REC114: variants seen among roughly 807,000 people sequenced by gnomAD.
REC114 encodes the protein meiotic recombination protein REC114.
In REC114, 27 loss-of-function variants were observed where a neutral mutation model predicts 31.3. The ratio of observed to expected loss-of-function variants is 0.86; its 90% CI spans 0.64 to 1.19. The LOEUF is 1.19. REC114 is among the 50% of genes most tolerant of loss of function. The probability of loss-of-function intolerance (pLI) is 0.00; values close to 1 mark genes in which losing one functional copy is unlikely to be tolerated. For missense variants in REC114, 344 were observed against 326.9 expected, an observed-to-expected ratio of 1.05 and a Z score of -0.40; for synonymous variants, 134 against 127.7, an observed-to-expected ratio of 1.05 and a Z score of -0.33.
intron 2 of REC114, among the ~76,000 whole-genome samples, chr15:73,531,081 A>G (rs1361066328): frequency 2.6e-5 from 4 of 152,198 alleles, no homozygotes; most frequent in African/African-American, 9.7e-5. Context: ...GCATTTACAA[A>G]ATCATAATGG....
At chr15:73,546,612 T>A (rs543111247) in intron 3 of REC114, among the ~76,000 whole-genome samples, 19 of 152,282 alleles carry the variant, frequency 1.2e-4, no homozygotes, top group African/African-American at 3.6e-4. Flanking sequence ...ATATATAACC[T>A]ATAAAAATAT....
At chr15:73,499,198 G>C (rs1217367333) in intron 2 of REC114, among the ~76,000 whole-genome samples, 1 of 151,832 alleles carries the variant, frequency 6.6e-6, no homozygotes, top group Admixed American at 6.6e-5. Flanking sequence ...CCTTTAGGTT[G>C]GTGCAAAAGT....
intron 2 of REC114, among the ~76,000 whole-genome samples, chr15:73,511,132 G>C (rs1395938666): frequency 2.0e-5 from 3 of 151,978 alleles, no homozygotes; most frequent in African/African-American, 7.3e-5. Context: ...CCTGTTATTG[G>C]TCTATTCAGA....
intron 1 of REC114, among the ~76,000 whole-genome samples, chr15:73,472,145 A>G (rs1317323484): frequency 6.6e-6 from 1 of 152,230 alleles, no homozygotes; most frequent in Non-Finnish European, 1.5e-5. Context: ...TTAAACTATC[A>G]TGTTAACACA....
At chr15:73,473,596 C>CGA (rs1893165274) in intron 1 of REC114, among the ~76,000 whole-genome samples, 2 of 152,066 alleles carry the variant, frequency 1.3e-5, no homozygotes, top group Non-Finnish European at 2.9e-5. Context: ...GATATTCTTT[C>CGA]TGTTTCAAAA....
chr15:73,487,596 T>C (rs1893387916), intron 2 of REC114, among the ~76,000 whole-genome samples: 1 of 152,132 alleles, frequency 6.6e-6, no homozygotes, highest in Non-Finnish European at 1.5e-5. Flanking sequence ...TGGGGTGGAG[T>C]TGGGCTCCAA....
intron 1 of REC114, among the ~76,000 whole-genome samples, chr15:73,472,632 G>A (rs953695994): frequency 6.6e-6 from 1 of 152,202 alleles, no homozygotes; most frequent in Admixed American, 6.5e-5. Context: ...TTTACCTTAC[G>A]GTGTTTATTA....
intron 5 of REC114, among the ~76,000 whole-genome samples, chr15:73,558,711 T>C (rs954648213): frequency 6.6e-6 from 1 of 152,162 alleles, no homozygotes; most frequent in African/African-American, 2.4e-5. Flanking sequence ...ACACTGCTAG[T>C]GGAATGTAAA....
intron 3 of REC114, among the ~76,000 whole-genome samples, chr15:73,542,418 T>C (rs180833895): frequency 6.6e-6 from 1 of 152,118 alleles, no homozygotes; most frequent in East Asian, 1.9e-4. Flanking sequence ...AGTGTCCAGG[T>C]TGGCATCTCG....
rs537152467 is a variant in REC114 at position 73,517,549 on chromosome 15, T to C, written c.250-22936T>C. 2.0e-3 allele frequency among the ~76,000 whole-genome samples: 297 copies of C among 152,094 alleles called. 1 individual carries two copies. Among genetic ancestry groups the C allele is most frequent in the African/African-American group, 6.9e-3 (286 of 41,534 alleles). On this transcript the variant is annotated intron_variant, in intron 2 of 5. Coordinates refer to ENST00000331090, the MANE Select transcript of REC114 (RefSeq NM_001042367.2). ...GGGAAAGAGAAGTGAAGGAAAACTT[T>C]GAAGTTTCTGGTTTATGCAACTCAA...
intron 1 of REC114, among the ~76,000 whole-genome samples, chr15:73,449,788 A>T (rs1892818480): frequency 6.6e-6 from 1 of 152,234 alleles, no homozygotes; most frequent in Non-Finnish European, 1.5e-5. Context: ...CATCAGACTA[A>T]TAGCAGATCT....
intron 2 of REC114, among the ~76,000 whole-genome samples, chr15:73,504,983 C>T (rs1893655159): frequency 6.6e-6 from 1 of 152,272 alleles, no homozygotes. Flanking sequence ...ATTCCTTGTT[C>T]ATGCCATGTT....
chr15:73,503,373 G>A (rs974980150), intron 2 of REC114, among the ~76,000 whole-genome samples: 29 of 152,024 alleles, frequency 1.9e-4, no homozygotes, highest in African/African-American at 7.0e-4. Context: ...CTTTTATTGA[G>A]GTATAACTTA....
intron 1 of REC114, among the ~76,000 whole-genome samples, chr15:73,460,524 C>T (rs1429165134): frequency 3.3e-5 from 5 of 152,108 alleles, no homozygotes; most frequent in African/African-American, 9.7e-5. Context: ...TTCCTTAACT[C>T]AAATTTGAAA....
intron 1 of REC114, among the ~76,000 whole-genome samples, chr15:73,470,158 C>A (rs73442080): frequency 0.18 from 27,730 of 151,924 alleles, 4,335 homozygotes; most frequent in African/African-American, 0.43. Flanking sequence ...GGTTGGGTTT[C>A]AGTCTGTTAT....
chr15:73,480,801 C>G (rs1449786464), intron 2 of REC114, among the ~76,000 whole-genome samples: 1 of 152,182 alleles, frequency 6.6e-6, no homozygotes, highest in East Asian at 1.9e-4. Flanking sequence ...CCTCAGTCTT[C>G]TGAGTAGCTG....
rs182714864 is a variant in REC114, at chr15:73,448,286, G to A, written c.159+4942G>A. Among the ~76,000 whole-genome samples the A allele has an allele frequency of 3.3e-5, 5 of 152,096 alleles. 1 individual carries two copies. Among genetic ancestry groups the A allele is most frequent in the Admixed American group, 3.3e-4 (5 of 15,286 alleles). ...ACTGCTAGCACAGCAGTCTGAGGTT[G>A]ACCTGGGATGCTGTATCTTGGTGGG... On this transcript the variant is annotated intron_variant, in intron 1 of 5. Transcript: ENST00000331090.
chr15:73,505,696 T>C (rs1290541017), intron 2 of REC114, among the ~76,000 whole-genome samples: 1 of 152,136 alleles, frequency 6.6e-6, no homozygotes. Flanking sequence ...CATGCCCGGC[T>C]AATTTTTTGT....
chr15:73,452,600 C>T (rs1454805134), intron 1 of REC114, among the ~76,000 whole-genome samples: 1 of 152,208 alleles, frequency 6.6e-6, no homozygotes, highest in Non-Finnish European at 1.5e-5. Context: ...CATCAAGCTA[C>T]CATGACTTTC....
Sources: allele counts gnomAD v4.1 joint callset (sites outside exome capture counted in the v4.1 genomes callset), GRCh38; gene constraint gnomAD v4.1.1; transcripts MANE v1.5; gene names NCBI Gene and HGNC (gene_info 2026-07-23, HGNC 2026-07-21).